FRMD4A: variants seen among roughly 807,000 people sequenced by gnomAD.
The protein encoded by FRMD4A is FERM domain containing 4A.
In FRMD4A, 29 loss-of-function variants were observed where a neutral mutation model predicts 129.1. That is an observed-to-expected ratio of 0.22 (90% CI 0.17 to 0.31). The LOEUF is 0.31. Ranked by LOEUF, FRMD4A falls within the 10% of genes least tolerant of loss-of-function variation. FRMD4A has a pLI of 1.00. For synonymous variants in FRMD4A, 634 were observed against 571.6 expected (o/e 1.11, Z -1.56); for missense variants, 1,272 against 1,375.8 (o/e 0.92, Z 1.19).
At chr10:13,834,025 C>A (rs937642618) in intron 3 of FRMD4A, among the ~76,000 whole-genome samples, 2 of 151,972 alleles carry the variant, frequency 1.3e-5, no homozygotes, top group Non-Finnish European at 2.9e-5. Context: ...TGGGAGGCCA[C>A]GGGGGAGGTG....
chr10:13,652,074 G>A (rs2081661888), intron 23 of FRMD4A, 100 bp from the exon 24 acceptor site: 7 of 764,882 alleles, frequency 9.2e-6, no homozygotes, highest in African/African-American at 3.4e-5. Context: ...TAATATATCC[G>A]AAAGGCTTGC....
At chr10:14,184,969 CA>C (rs74823854) in intron 2 of FRMD4A, among the ~76,000 whole-genome samples, 1,789 of 150,582 alleles carry the variant, frequency 0.012, 30 homozygotes, top group East Asian at 0.063. Context: ...TTTGTTTAGA[CA>C]GTTACACAAT....
chr10:13,888,854 A>G (rs1010832911), intron 2 of FRMD4A, among the ~76,000 whole-genome samples: 2 of 152,252 alleles, frequency 1.3e-5, no homozygotes, highest in Non-Finnish European at 2.9e-5. Context: ...TCATTTTGAC[A>G]TATTGAACTA....
At chr10:14,019,393 C>T (rs1388184807) in intron 2 of FRMD4A, among the ~76,000 whole-genome samples, 3 of 152,050 alleles carry the variant, frequency 2.0e-5, no homozygotes, top group African/African-American at 7.2e-5. Context: ...GTTGTAAAAT[C>T]CAAGACATGC....
intron 2 of FRMD4A, among the ~76,000 whole-genome samples, chr10:13,992,780 C>T (rs1036439155): frequency 3.3e-5 from 5 of 151,682 alleles, no homozygotes; most frequent in African/African-American, 4.8e-5. Context: ...TGGTGAAACC[C>T]TGTCTCTACT....
intron 18 of FRMD4A, among the ~76,000 whole-genome samples, chr10:13,664,547 C>G (rs1428086766): frequency 6.6e-6 from 1 of 152,152 alleles, no homozygotes; most frequent in Non-Finnish European, 1.5e-5. Flanking sequence ...GGACTATGAG[C>G]AACCAGGAGC....
At chr10:13,959,342 C>T (rs149668030) in intron 2 of FRMD4A, among the ~76,000 whole-genome samples, 12 of 152,098 alleles carry the variant, frequency 7.9e-5, no homozygotes, top group African/African-American at 2.9e-4. Flanking sequence ...CGTGGTGGCG[C>T]GTGCCTTTGG....
At chr10:14,045,179 T>C (rs940894101) in intron 2 of FRMD4A, among the ~76,000 whole-genome samples, 2 of 152,188 alleles carry the variant, frequency 1.3e-5, no homozygotes, top group African/African-American at 4.8e-5. Flanking sequence ...AGTGAGCCAC[T>C]ATGCCTGGCC....
chr10:14,245,949 T>A (rs1405820355), intron 2 of FRMD4A, among the ~76,000 whole-genome samples: 3 of 152,216 alleles, frequency 2.0e-5, no homozygotes, highest in Non-Finnish European at 4.4e-5. Context: ...CTTAGCCGGC[T>A]GTGCCTGAAA....
chr10:14,024,975 G>C (rs1271310738), intron 2 of FRMD4A, among the ~76,000 whole-genome samples: 2 of 152,250 alleles, frequency 1.3e-5, no homozygotes, highest in East Asian at 3.8e-4. Flanking sequence ...ACCAATGCTA[G>C]GGCAATTCAC....
chr10:14,229,951 A>T (rs1216134891), intron 2 of FRMD4A, among the ~76,000 whole-genome samples: 1 of 152,218 alleles, frequency 6.6e-6, no homozygotes, highest in Non-Finnish European at 1.5e-5. Flanking sequence ...AGTTGAGTTC[A>T]TGCCCTTTGA....
chr10:13,949,315 A>AAG (rs1554983612), intron 2 of FRMD4A, among the ~76,000 whole-genome samples: 5 of 148,746 alleles, frequency 3.4e-5, no homozygotes, highest in South Asian at 2.1e-4. Context: ...AAAAAAAAAA[A>AAG]AAAGAAAGAA....
chr10:14,134,594 G>A (rs1839437659), intron 2 of FRMD4A, among the ~76,000 whole-genome samples: 1 of 151,854 alleles, frequency 6.6e-6, no homozygotes, highest in African/African-American at 2.4e-5. Flanking sequence ...ATGGATGGAT[G>A]GGTAGATGGA....
intron 2 of FRMD4A, among the ~76,000 whole-genome samples, chr10:14,270,426 T>C (rs1368370964): frequency 5.3e-5 from 8 of 152,196 alleles, no homozygotes; most frequent in South Asian, 2.1e-4. Flanking sequence ...TATTATCCTA[T>C]CTACCACCAT....
intron 8 of FRMD4A, among the ~76,000 whole-genome samples, chr10:13,760,941 T>C (rs996134036): frequency 3.3e-5 from 5 of 151,648 alleles, no homozygotes; most frequent in Admixed American, 1.3e-4. Context: ...GAGCAGATAG[T>C]CCTGCTAGTG....
intron 2 of FRMD4A, among the ~76,000 whole-genome samples, chr10:14,181,336 A>G (rs1367245617): frequency 6.6e-6 from 1 of 151,998 alleles, no homozygotes; most frequent in Non-Finnish European, 1.5e-5. Flanking sequence ...TTTTGTCAAG[A>G]GGGAGAAGAA....
intron 2 of FRMD4A, among the ~76,000 whole-genome samples, chr10:14,258,589 G>T (rs575076954): frequency 1.3e-5 from 2 of 152,306 alleles, no homozygotes; most frequent in South Asian, 4.1e-4. Context: ...GAACGCTCAT[G>T]CACCACAGGT....
At chr10:13,714,036 A>AAAATATATATTTTATT (rs1554858965) in intron 12 of FRMD4A, among the ~76,000 whole-genome samples, 1 of 4,712 alleles carries the variant, frequency 2.1e-4, no homozygotes, top group Admixed American at 3.8e-3. Context: ...ACATATATAT[A>AAAATATATATTTTATT]TATATATATA....
intron 2 of FRMD4A, among the ~76,000 whole-genome samples, chr10:14,305,024 C>G (rs948092317): frequency 1.3e-5 from 2 of 152,204 alleles, no homozygotes; most frequent in African/African-American, 4.8e-5. Context: ...TGGCTGGGAT[C>G]GCTGCCTTAA....
Sources: gnomAD v4.1 joint callset for allele counts (sites outside exome capture counted in the v4.1 genomes callset) on GRCh38, gnomAD v4.1.1 for gene constraint, MANE v1.5 for transcripts, NCBI Gene and HGNC (gene_info 2026-07-23, HGNC 2026-07-21) for gene names.